The following SORCS1 variants were observed in gnomAD, a reference collection of about 807,000 sequenced individuals.
The protein encoded by SORCS1 is sortilin related VPS10 domain containing receptor 1.
A neutral mutation model predicts 146.1 loss-of-function variants in SORCS1; 60 were observed. The observed-to-expected ratio is 0.41, with a 90% CI of 0.33 to 0.51. The LOEUF (loss-of-function observed/expected upper bound fraction) is 0.51, where lower values mean the gene tolerates loss of function less well. Ranked by LOEUF, SORCS1 falls within the 20% of genes least tolerant of loss-of-function variation. SORCS1 has a pLI of 0.21. For synonymous variants in SORCS1, 637 were observed against 584.0 expected (o/e 1.09, Z -1.31); for missense variants, 1,352 against 1,487.6 (o/e 0.91, Z 1.50).
intron 2 of SORCS1, among the ~76,000 whole-genome samples, chr10:106,852,500 C>CGCA (rs1242608395): frequency 2.0e-5 from 3 of 151,826 alleles, no homozygotes; most frequent in African/African-American, 2.4e-5. Flanking sequence ...TGGTGTTGCA[C>CGCA]GCCTGTAGTC....
intron 18 of SORCS1, among the ~76,000 whole-genome samples, chr10:106,631,950 T>C (rs1159302892): frequency 1.3e-5 from 2 of 152,234 alleles, no homozygotes; most frequent in Non-Finnish European, 2.9e-5. Context: ...TGTCCATTCA[T>C]GGAATGCTCT....
chr10:106,945,365 G>A (rs1187579657), intron 2 of SORCS1, among the ~76,000 whole-genome samples: 1 of 152,120 alleles, frequency 6.6e-6, no homozygotes, highest in Admixed American at 6.5e-5. Flanking sequence ...GCCCAATACA[G>A]GACACTATAC....
At chr10:107,085,532 A>G (rs1013107310) in intron 1 of SORCS1, among the ~76,000 whole-genome samples, 3 of 152,206 alleles carry the variant, frequency 2.0e-5, no homozygotes, top group African/African-American at 7.2e-5. Flanking sequence ...TTTATTTACC[A>G]TCAAATAACA....
At chr10:106,880,605 A>G (rs1950770082) in intron 2 of SORCS1, among the ~76,000 whole-genome samples, 1 of 152,206 alleles carries the variant, frequency 6.6e-6, no homozygotes, top group Non-Finnish European at 1.5e-5. Flanking sequence ...TAGAATTAGT[A>G]CAATCTACTT....
At chr10:106,958,879 T>A (rs1475876058) in intron 1 of SORCS1, among the ~76,000 whole-genome samples, 1 of 152,168 alleles carries the variant, frequency 6.6e-6, no homozygotes, top group African/African-American at 2.4e-5. Flanking sequence ...AGACACAGAA[T>A]GATGTTCCTA....
At chr10:106,601,757 C>A (rs913132370) in intron 23 of SORCS1, among the ~76,000 whole-genome samples, 1 of 152,340 alleles carries the variant, frequency 6.6e-6, no homozygotes, top group South Asian at 2.1e-4. Flanking sequence ...GCGGCCATCA[C>A]AAGCATTTCC....
chr10:107,033,644 T>G (rs1464949268), intron 1 of SORCS1, among the ~76,000 whole-genome samples: 2 of 152,192 alleles, frequency 1.3e-5, no homozygotes, highest in Non-Finnish European at 2.9e-5. Flanking sequence ...TTCAATAAGA[T>G]AGAGATTCCC....
intron 5 of SORCS1, among the ~76,000 whole-genome samples, chr10:106,737,889 G>T (rs1362820237): frequency 1.3e-5 from 2 of 152,042 alleles, no homozygotes; most frequent in East Asian, 1.9e-4. Context: ...TTTTAATAAG[G>T]TTTCTTTTTA....
chr10:106,956,948 G>C (rs2138997949), intron 1 of SORCS1, among the ~76,000 whole-genome samples: 1 of 152,288 alleles, frequency 6.6e-6, no homozygotes, highest in Non-Finnish European at 1.5e-5. Flanking sequence ...TCAATGATTA[G>C]TTTCCAGCCC....
At position 106,882,939 on chromosome 10, in the gene SORCS1, C is replaced by A. The variant is rs565438735; in HGVS notation, c.627-53266G>T. Among the ~76,000 whole-genome samples, 8 of 152,278 alleles carry A rather than the reference C, an allele frequency of 5.3e-5. No individual in the cohort carries two copies. The East Asian group carries it at 1.5e-3, about 29-fold the overall frequency. On this transcript the variant is annotated intron_variant, in intron 2 of 25. Transcript: ENST00000263054. ...AACCCCAGCAAAACTTTCATAGAATCAGGTTCCATTCTGATCACACTGAAT... is the reference window on the plus strand; with the variant it reads ...AACCCCAGCAAAACTTTCATAGAATAAGGTTCCATTCTGATCACACTGAAT...
At chr10:106,888,816 A>G (rs960517482) in intron 2 of SORCS1, among the ~76,000 whole-genome samples, 8 of 152,216 alleles carry the variant, frequency 5.3e-5, no homozygotes, top group Non-Finnish European at 1.5e-5. Context: ...TATGTCCTAG[A>G]CCTTGCTCCA....
At chr10:106,950,603 G>C (rs1252996880) in intron 2 of SORCS1, among the ~76,000 whole-genome samples, 1 of 151,884 alleles carries the variant, frequency 6.6e-6, no homozygotes, top group Non-Finnish European at 1.5e-5. Context: ...GTGTGTGTCT[G>C]TGTGTGTATA....
chr10:106,886,358 G>A (rs1951002401), intron 2 of SORCS1, among the ~76,000 whole-genome samples: 1 of 152,086 alleles, frequency 6.6e-6, no homozygotes, highest in Non-Finnish European at 1.5e-5. Context: ...CATAAAAATG[G>A]ACTAATACAC....
intron 2 of SORCS1, among the ~76,000 whole-genome samples, chr10:106,865,863 T>C (rs945112293): frequency 6.6e-6 from 1 of 150,388 alleles, no homozygotes; most frequent in African/African-American, 2.5e-5. Flanking sequence ...TGAAACTCCA[T>C]CTCTACTGAA....
intron 18 of SORCS1, among the ~76,000 whole-genome samples, chr10:106,651,468 G>A (rs1469832153): frequency 1.3e-5 from 2 of 152,164 alleles, no homozygotes; most frequent in Non-Finnish European, 2.9e-5. Context: ...CAAGAAAACT[G>A]TGTTTCCAAA....
chr10:106,741,888 A>G (rs1857391281), intron 5 of SORCS1, among the ~76,000 whole-genome samples: 1 of 152,218 alleles, frequency 6.6e-6, no homozygotes, highest in African/African-American at 2.4e-5. Flanking sequence ...CAGTTTTTAC[A>G]CGGACAGCTC....
chr10:106,807,196 G>GGAAGGAA, intron 3 of SORCS1, among the ~76,000 whole-genome samples: 1 of 151,792 alleles, frequency 6.6e-6, no homozygotes, highest in East Asian at 1.9e-4. Context: ...GAAGGAAGGA[G>GGAAGGAA]GAAGGAAGGA....
intron 2 of SORCS1, among the ~76,000 whole-genome samples, chr10:106,862,448 T>C (rs1257808789): frequency 1.3e-5 from 2 of 151,790 alleles, no homozygotes; most frequent in Non-Finnish European, 2.9e-5. Context: ...TCCTAGAAAA[T>C]TAGAGCTTCA....
the SORCS1 span, among the ~76,000 whole-genome samples, chr10:107,171,715 C>T: frequency 3.3e-5 from 5 of 151,978 alleles, no homozygotes; most frequent in Non-Finnish European, 5.9e-5. Context: ...GGGGTTTCAC[C>T]ATGTTGTCCT....
Sources: allele counts gnomAD v4.1 joint callset (sites outside exome capture counted in the v4.1 genomes callset), GRCh38; gene constraint gnomAD v4.1.1; transcripts MANE v1.5; gene names NCBI Gene and HGNC (gene_info 2026-07-23, HGNC 2026-07-21).